Variants in PROS1 observed in about 807,000 individuals in gnomAD.
PROS1 encodes the protein vitamin K-dependent protein S.
PROS1 carries 29 observed loss-of-function variants against 75.9 expected under a neutral mutation model. That is an observed-to-expected ratio of 0.38 (90% CI 0.28 to 0.52). PROS1 has a LOEUF of 0.52. Ranked by LOEUF, PROS1 falls within the 20% of genes least tolerant of loss-of-function variation. The pLI, the probability that PROS1 is intolerant of heterozygous loss-of-function variation, is 0.83. For missense variants in PROS1, 680 were observed against 810.3 expected (o/e 0.84, Z 1.95); for synonymous variants, 245 against 280.6 (o/e 0.87, Z 1.27).
chr3:93,973,728 A>C lies in PROS1; in HGVS notation c.22T>G (p.Cys8Gly). The change falls in exon 1 of 15, where the codon TGC becomes GGC. Residue 8 changes from cysteine (C) to glycine (G), a missense_variant. Coordinates refer to ENST00000394236, the MANE Select transcript of PROS1 (RefSeq NM_000313.4). MRVLGGR[C>G]GALLACLLLV... is the part of the protein sequence containing the mutation. ...AGGAGACACGCCAGCAGCGCCCCGC[A>C]GCGCCCACCCAGGACCCTCATTTCG... The C allele has an allele frequency of 1.2e-6, 2 of 1,613,780 alleles. No individual in the cohort carries two copies. Among genetic ancestry groups the C allele is most frequent in the Non-Finnish European group, 8.5e-7 (1 of 1,179,860 alleles).
At chr3:93,923,978 C>T (rs1576196560) in intron 3 of PROS1, among the ~76,000 whole-genome samples, 1 of 151,366 alleles carries the variant, frequency 6.6e-6, no homozygotes, top group East Asian at 1.9e-4. Context: ...TATAACTGAG[C>T]ATCAGCCCAA....
chr3:93,950,932 A>AAC (rs905934351), intron 1 of PROS1, among the ~76,000 whole-genome samples: 207 of 152,320 alleles, frequency 1.4e-3, no homozygotes, highest in African/African-American at 4.8e-3. Context: ...AGAAGCTAAA[A>AAC]ACCTTGAAAA....
chr3:93,961,462 C>T lies in PROS1; in HGVS notation c.76+12212G>A, dbSNP rs1443692634. Reference sequence around the variant, plus strand: ...AGGAGCTGAGGGCCTCAATCCTACACTTGTGAGGAACTGAATTCTCCCAAC... The same window carrying T: ...AGGAGCTGAGGGCCTCAATCCTACATTTGTGAGGAACTGAATTCTCCCAAC... On this transcript the variant is annotated intron_variant, in intron 1 of 14. Coordinates refer to ENST00000394236, the MANE Select transcript of PROS1 (RefSeq NM_000313.4). Among the ~76,000 whole-genome samples, 4 of 152,330 alleles carry T rather than the reference C, an allele frequency of 2.6e-5. No individual in the cohort carries two copies. The East Asian group carries it at 7.7e-4, about 29-fold the overall frequency.
intron 8 of PROS1, 74 bp downstream of exon 8, chr3:93,898,374 C>G: frequency 6.5e-7 from 1 of 1,535,918 alleles, no homozygotes; most frequent in Non-Finnish European, 9.0e-7. Context: ...CCTGACTTAG[C>G]TATGTGAAAA....
intron 1 of PROS1, chr3:93,958,549 T>C (rs1372057585): frequency 1.3e-5 from 2 of 152,244 alleles, no homozygotes; most frequent in Admixed American, 6.5e-5. Context: ...CTTTTCTTTG[T>C]ACTTGATATG....
intron 2 of PROS1, among the ~76,000 whole-genome samples, chr3:93,926,203 T>C (rs4857343): frequency 0.79 from 119,843 of 152,110 alleles, 47,359 homozygotes; most frequent in Non-Finnish European, 0.82. Context: ...GAGTGTTGAT[T>C]ATTATTAAAG....
intron 1 of PROS1, among the ~76,000 whole-genome samples, chr3:93,962,422 G>A (rs1291764105): frequency 6.6e-6 from 1 of 152,164 alleles, no homozygotes; most frequent in Non-Finnish European, 1.5e-5. Context: ...TTGAGTGAAG[G>A]AGAGGAGAGA....
At chr3:93,924,287 A>T (rs1708985873) in intron 2 of PROS1, 23 bp from the exon 3 acceptor site, 3 of 1,248,012 alleles carry the variant, frequency 2.4e-6, no homozygotes, top group Non-Finnish European at 3.3e-6. Context: ...AAAAGAAAAC[A>T]TATCTTAGCA....
At position 93,873,700 on chromosome 3, in the gene PROS1, CAA is replaced by C; in HGVS notation, c.*543_*544del. On this transcript the variant is annotated 3_prime_UTR_variant, in exon 15 of 15. Transcript: ENST00000394236. Reference sequence around the variant, plus strand: ...ATACTGGTTTAAATGTGAAGCCACACAAGAGAAAGATGAAGCCAAAGCTGTTC... The same window carrying C: ...ATACTGGTTTAAATGTGAAGCCACACGAGAAAGATGAAGCCAAAGCTGTTC... The C allele has an allele frequency of 6.5e-6, 1 of 154,270 alleles. No homozygotes were observed. 9.6% of individuals were successfully genotyped at this position (154,270 alleles called of 1,614,324 possible).
intron 4 of PROS1, among the ~76,000 whole-genome samples, chr3:93,909,272 C>T (rs978314935): frequency 2.6e-5 from 4 of 151,700 alleles, no homozygotes; most frequent in Non-Finnish European, 5.9e-5. Flanking sequence ...GACCCCATCT[C>T]TATAAAAAAT....
At chr3:93,973,310 T>G (rs1709909428) in intron 1 of PROS1, among the ~76,000 whole-genome samples, 1 of 152,110 alleles carries the variant, frequency 6.6e-6, no homozygotes, top group Non-Finnish European at 1.5e-5. Context: ...GAAGACACAG[T>G]GTGTTACCTT....
chr3:93,920,305 T>C (rs1336030208), intron 3 of PROS1, among the ~76,000 whole-genome samples: 1 of 152,170 alleles, frequency 6.6e-6, no homozygotes, highest in Admixed American at 6.5e-5. Context: ...TATCACTCAA[T>C]TCAAGATCAT....
chr3:93,950,884 T>C (rs2107242509), intron 1 of PROS1, among the ~76,000 whole-genome samples: 1 of 152,194 alleles, frequency 6.6e-6, no homozygotes, highest in African/African-American at 2.4e-5. Context: ...AACAACAAAC[T>C]TCTCCAAGTT....
At chr3:93,915,789 GA>G (rs1708837416) in intron 3 of PROS1, among the ~76,000 whole-genome samples, 1 of 148,286 alleles carries the variant, frequency 6.7e-6, no homozygotes, top group African/African-American at 2.5e-5. Context: ...CTTTTTTTTT[GA>G]CCCCTCACCA....
At chr3:93,911,809 A>C (rs558369783) in intron 3 of PROS1, among the ~76,000 whole-genome samples, 14 of 152,276 alleles carry the variant, frequency 9.2e-5, no homozygotes, top group Admixed American at 2.0e-4. Flanking sequence ...AACTTCTATC[A>C]TATTCTGTTG....
intron 1 of PROS1, among the ~76,000 whole-genome samples, chr3:93,930,821 A>G (rs1226601730): frequency 2.6e-5 from 4 of 152,242 alleles, no homozygotes; most frequent in Non-Finnish European, 5.9e-5. Flanking sequence ...TGAATAAACA[A>G]CAAAACTACA....
chr3:93,953,188 T>C (rs1484465177), intron 1 of PROS1, among the ~76,000 whole-genome samples: 1 of 152,056 alleles, frequency 6.6e-6, no homozygotes, highest in East Asian at 1.9e-4. Context: ...ACTATTCCAA[T>C]CAATAGAAAA....
At chr3:93,909,200 G>C (rs895227241) in intron 4 of PROS1, among the ~76,000 whole-genome samples, 4 of 152,080 alleles carry the variant, frequency 2.6e-5, no homozygotes, top group Admixed American at 6.6e-5. Context: ...CACTTTGGGA[G>C]GCCCAGGTAG....
chr3:93,908,575 AG>A (rs1225962368), intron 4 of PROS1, among the ~76,000 whole-genome samples: 14 of 152,338 alleles, frequency 9.2e-5, no homozygotes, highest in African/African-American at 3.1e-4. Flanking sequence ...AAGATCCCGT[AG>A]GGTCTTTGGC....
Sources: gnomAD v4.1 joint callset for allele counts (sites outside exome capture counted in the v4.1 genomes callset) on GRCh38, gnomAD v4.1.1 for gene constraint, MANE v1.5 for transcripts, NCBI Gene and HGNC (gene_info 2026-07-23, HGNC 2026-07-21) for gene names.